Variants in NVL observed in about 807,000 individuals in gnomAD.
The protein encoded by NVL is nuclear VCP like.
In NVL, 84 loss-of-function variants were observed where a neutral mutation model predicts 110.2. The ratio of observed to expected loss-of-function variants is 0.76; its 90% confidence interval spans 0.64 to 0.91. The LOEUF (loss-of-function observed/expected upper bound fraction) is 0.91, where lower values mean the gene tolerates loss of function less well. Ranked by LOEUF, NVL falls within the 40% of genes least tolerant of loss-of-function variation. The pLI is 0.00. For synonymous variants in NVL, 354 were observed against 361.1 expected (o/e 0.98, Z 0.22); for missense variants, 882 against 1,035.9 (o/e 0.85, Z 2.04).
In NVL at chr1:224,289,518, T is replaced by C; in HGVS notation, c.1541A>G (p.Glu514Gly). ...EDLPSKGVQE[E>G]RLGTEPTSET... ...AGAAGTGGGCTCAGTTCCCAGCCTTTCCTCCTGGACTCCTTTAGATGGCAA... is the reference window on the plus strand; with the variant it reads ...AGAAGTGGGCTCAGTTCCCAGCCTTCCCTCCTGGACTCCTTTAGATGGCAA... The change falls in exon 13 of 23, where the codon GAA becomes GGA. Residue 514 changes from glutamate to glycine, a missense_variant. Glu to Gly is a moderately conservative substitution (Grantham distance 98, BLOSUM62 -2). Around this residue, in one of 4 missense-constraint regions of NVL, gnomAD observed 416 missense variants for 499.3 expected, o/e 0.83. Transcript: ENST00000281701. 1 of 1,614,230 alleles carries C rather than the reference T, an allele frequency of 6.2e-7. No homozygotes were observed. The highest frequency in any genetic ancestry group is 8.5e-7 in the Non-Finnish European group (1 of 1,180,040).
chr1:224,227,714 GT>G, intron 22 of NVL, 44 bp from the exon 23 acceptor site: 2 of 1,583,354 alleles, frequency 1.3e-6, no homozygotes, highest in Non-Finnish European at 1.7e-6. Context: ...GTCACTGCTT[GT>G]TTTGGGCTGA....
At chr1:224,233,758 CAA>C (rs1291764991) in intron 20 of NVL, among the ~76,000 whole-genome samples, 1 of 150,996 alleles carries the variant, frequency 6.6e-6, no homozygotes, top group Non-Finnish European at 1.5e-5. Flanking sequence ...GACTCTGTCC[CAA>C]TTAAAAAACA....
intron 14 of NVL, among the ~76,000 whole-genome samples, chr1:224,286,627 C>T (rs1666899344): frequency 6.6e-6 from 1 of 152,182 alleles, no homozygotes; most frequent in African/African-American, 2.4e-5. Flanking sequence ...TATACTTGAA[C>T]ATAATGTCTA....
intron 16 of NVL, among the ~76,000 whole-genome samples, chr1:224,276,545 C>A (rs1665779056): frequency 6.6e-6 from 1 of 152,118 alleles, no homozygotes; most frequent in South Asian, 2.1e-4. Context: ...GCCTACAGTG[C>A]CAACTATTTC....
At chr1:224,245,882 G>A (rs1392658888) in intron 19 of NVL, among the ~76,000 whole-genome samples, 1 of 152,004 alleles carries the variant, frequency 6.6e-6, no homozygotes, top group Non-Finnish European at 1.5e-5. Context: ...CTCCCAAAGT[G>A]CTGGGATTAC....
chr1:224,284,596 T>A (rs1666678761), intron 15 of NVL, among the ~76,000 whole-genome samples: 1 of 152,126 alleles, frequency 6.6e-6, no homozygotes, highest in South Asian at 2.1e-4. Flanking sequence ...CCCAAGCTGG[T>A]CTTGAAATCA....
At chr1:224,267,613 G>A (rs1664618230) in intron 18 of NVL, among the ~76,000 whole-genome samples, 1 of 151,582 alleles carries the variant, frequency 6.6e-6, no homozygotes. Flanking sequence ...CTTGAACTCA[G>A]GAGGCAGAGG....
rs372112419 is a variant in NVL, at chr1:224,287,999, A to T, written c.1576-6T>A. On this transcript the variant is annotated splice_region_variant and splice_polypyrimidine_tract_variant and intron_variant, in intron 13 of 22. Coordinates refer to ENST00000281701, the MANE Select transcript of NVL (RefSeq NM_002533.4). ...AGCAGCCTTTGTAATTCATCCTTGAAGGGAACAATAGAGGGGAAAAAAATA... is the reference window on the plus strand; with the variant it reads ...AGCAGCCTTTGTAATTCATCCTTGATGGGAACAATAGAGGGGAAAAAAATA... 5.6e-5 allele frequency: 90 copies of T among 1,605,920 alleles called. No individual in the cohort carries two copies. The highest frequency in any genetic ancestry group is 5.9e-5 in the Non-Finnish European group (69 of 1,174,148).
chr1:224,280,129 T>A (rs530009972), intron 16 of NVL, among the ~76,000 whole-genome samples: 1 of 151,072 alleles, frequency 6.6e-6, no homozygotes, highest in Non-Finnish European at 1.5e-5. Context: ...ACAGGGAACA[T>A]CATGAGGGAG....
chr1:224,235,661 T>C (rs565371263), intron 20 of NVL, among the ~76,000 whole-genome samples: 3 of 151,984 alleles, frequency 2.0e-5, no homozygotes, highest in Admixed American at 6.6e-5. Context: ...CCGGGTGTGG[T>C]GGCTCACTGT....
chr1:224,317,553 A>T, intron 4 of NVL, 141 bp downstream of exon 4: 1 of 606,140 alleles, frequency 1.6e-6, no homozygotes, highest in Non-Finnish European at 2.9e-6. Context: ...GGGAATAAAG[A>T]ACATTCAATA....
At chr1:224,228,596 C>T (rs956833610) in intron 22 of NVL, among the ~76,000 whole-genome samples, 3 of 150,854 alleles carry the variant, frequency 2.0e-5, no homozygotes, top group Admixed American at 6.6e-5. Context: ...AGCCACTGCG[C>T]CAGGCCGGGA....
At chr1:224,325,218 C>T (rs1472148775) in intron 2 of NVL, among the ~76,000 whole-genome samples, 5 of 150,984 alleles carry the variant, frequency 3.3e-5, no homozygotes, top group African/African-American at 9.7e-5. Context: ...GCCGAGATCG[C>T]GCCACTGCAC....
intron 10 of NVL, among the ~76,000 whole-genome samples, chr1:224,299,221 T>C (rs1191511492): frequency 1.3e-5 from 2 of 152,186 alleles, no homozygotes; most frequent in African/African-American, 4.8e-5. Flanking sequence ...GCTAGATATA[T>C]TACCCAGTTA....
At chr1:224,313,374 GTAAT>G (rs1220637114) in intron 4 of NVL, among the ~76,000 whole-genome samples, 2 of 151,678 alleles carry the variant, frequency 1.3e-5, no homozygotes, top group Admixed American at 6.6e-5. Flanking sequence ...AAAAGTGTAA[GTAAT>G]TATTTTACAC....
rs557199457 is a variant in NVL, at chr1:224,267,932, A to G, written c.2182+102T>C. On this transcript the variant is annotated intron_variant, in intron 18 of 22. Transcript: ENST00000281701. ...TGCATGTGAATTATATTGTTTATAA[A>G]TGCTACTAGTTTTTACTTTTATTTT... 32 of 769,704 alleles carry G rather than the reference A, an allele frequency of 4.2e-5. No homozygotes were observed. The South Asian group carries it at 5.8e-4, about 14-fold the overall frequency. 47.7% of individuals were successfully genotyped at this position (769,704 alleles called of 1,614,324 possible).
At chr1:224,316,067 C>T (rs1670027970) in intron 4 of NVL, among the ~76,000 whole-genome samples, 2 of 151,992 alleles carry the variant, frequency 1.3e-5, no homozygotes, top group South Asian at 4.2e-4. Flanking sequence ...TGGTAGCATG[C>T]ACCCGTATGG....
intron 11 of NVL, among the ~76,000 whole-genome samples, chr1:224,295,960 C>CAAAAA (rs942085228): frequency 7.2e-5 from 3 of 41,820 alleles, no homozygotes; most frequent in Non-Finnish European, 1.4e-4. Flanking sequence ...GACTCTGTCT[C>CAAAAA]AAAAAAAAAA....
At position 224,319,583 on chromosome 1, in the gene NVL, C is replaced by T. The variant is rs570150632; in HGVS notation, c.132-1653G>A. ...GTTGTGTCTCTTTGGACTCTTTTAACTTGTAATAATCTCTTCACCTTTGTG... is the reference window on the plus strand; with the variant it reads ...GTTGTGTCTCTTTGGACTCTTTTAATTTGTAATAATCTCTTCACCTTTGTG... On this transcript the variant is annotated intron_variant, in intron 2 of 22. Coordinates refer to ENST00000281701, the MANE Select transcript of NVL (RefSeq NM_002533.4). Among the ~76,000 whole-genome samples, 36 of 152,220 alleles carry T rather than the reference C, an allele frequency of 2.4e-4. 1 individual carries two copies. In the South Asian group the frequency reaches 6.6e-3, roughly 28 times the overall value.
Sources: gnomAD v4.1 joint callset for allele counts (sites outside exome capture counted in the v4.1 genomes callset) on GRCh38, gnomAD v4.1.1 for gene constraint, gnomAD v4.1.1 regional missense constraint, MANE v1.5 for transcripts, NCBI Gene and HGNC (gene_info 2026-07-23, HGNC 2026-07-21) for gene names.